Variants in SF3A3 observed in about 807,000 individuals in gnomAD.
The protein encoded by SF3A3 is SAP 61.
A neutral mutation model predicts 85.8 loss-of-function variants in SF3A3; 9 were observed. That is an observed-to-expected ratio of 0.10 (90% CI 0.06 to 0.18). The LOEUF is 0.18. Among genes scored for constraint, SF3A3 ranks in the 10% least tolerant of loss-of-function variants. The pLI is 1.00. For missense variants in SF3A3, 306 were observed against 593.3 expected, an observed-to-expected ratio of 0.52 and a Z score of 5.03; for synonymous variants, 195 against 204.4, an observed-to-expected ratio of 0.95 and a Z score of 0.39.
At chr1:37,979,585 G>GCCACCACACC in intron 8 of SF3A3, 52 bp from the exon 9 acceptor site, 5 of 1,404,854 alleles carry the variant, frequency 3.6e-6, no homozygotes, top group Non-Finnish European at 5.0e-6. Flanking sequence ...GCCAGGTGTG[G>GCCACCACACC]TGGCTCACAC....
intron 4 of SF3A3, among the ~76,000 whole-genome samples, chr1:37,985,944 C>A (rs910279798): frequency 7.3e-6 from 1 of 136,220 alleles, no homozygotes; most frequent in Non-Finnish European, 1.5e-5. Flanking sequence ...CTTTTTCCTA[C>A]CAGACTTTTT....
At chr1:37,982,044 T>C (rs548436569) in intron 6 of SF3A3, among the ~76,000 whole-genome samples, 49 of 151,850 alleles carry the variant, frequency 3.2e-4, no homozygotes, top group African/African-American at 1.1e-3. Context: ...AAAATAAAGA[T>C]CAAGTTAATG....
In SF3A3 at chr1:37,987,835, C is replaced by T. The variant is rs1263722162; in HGVS notation, c.146G>A (p.Arg49Lys). ...CAGGTTCCCACTGACCTCCATATACCTCTGAAAGGCAAATACAAAACCATC... is the reference window on the plus strand; with the variant it reads ...CAGGTTCCCACTGACCTCCATATACTTCTGAAAGGCAAATACAAAACCATC... ...SDHRTRAMQDRYMEVSGNLRD... is the reference protein window; with the variant it reads ...SDHRTRAMQDKYMEVSGNLRD... The change falls in exon 3 of 17, where the codon AGG (arginine) becomes AAG (lysine). Residue 49 changes from arginine (R) to lysine (K), a missense_variant and splice_region_variant. Arg to Lys is a conservative substitution (Grantham distance 26, BLOSUM62 2). This residue lies in a region of SF3A3 where 152 missense variants were observed against 192.0 expected (regional missense o/e 0.79). Coordinates refer to ENST00000373019, the MANE Select transcript of SF3A3 (RefSeq NM_006802.4). 1.2e-6 allele frequency: 2 copies of T among 1,612,054 alleles called. No individual in the cohort carries two copies. Among genetic ancestry groups the T allele is most frequent in the African/African-American group, 1.3e-5 (1 of 75,000 alleles).
chr1:37,959,857 C>CAGGG (rs1646244854), intron 16 of SF3A3, among the ~76,000 whole-genome samples: 1 of 144,490 alleles, frequency 6.9e-6, no homozygotes, highest in South Asian at 2.1e-4. Context: ...ACTCGAGAGA[C>CAGGG]AGAGGCAGGA....
At chr1:37,987,919 A>G in intron 2 of SF3A3, 83 bp from the exon 3 acceptor site, 2 of 1,109,694 alleles carry the variant, frequency 1.8e-6, no homozygotes, top group Non-Finnish European at 2.8e-6. Context: ...TCTCCAGTCA[A>G]AGCCCAGGGC....
intron 16 of SF3A3, among the ~76,000 whole-genome samples, chr1:37,958,780 A>G (rs1224609356): frequency 6.6e-6 from 1 of 152,190 alleles, no homozygotes; most frequent in African/African-American, 2.4e-5. Flanking sequence ...AAGAAAAAAA[A>G]TACTGAAAAC....
chr1:37,965,001 A>T (rs1269792504), intron 15 of SF3A3, among the ~76,000 whole-genome samples: 1 of 152,160 alleles, frequency 6.6e-6, no homozygotes, highest in African/African-American at 2.4e-5. Context: ...TCTACTAAAA[A>T]TACAAAAATT....
chr1:37,957,387 C>CGG lies in SF3A3; in HGVS notation c.*798_*799insCC, dbSNP rs1461904699. 15 of 121,384 alleles carry CGG rather than the reference C, an allele frequency of 1.2e-4. No homozygotes were observed. Among genetic ancestry groups the CGG allele is most frequent in the African/African-American group, 3.8e-4 (12 of 31,790 alleles). 7.5% of individuals were successfully genotyped at this position (121,384 alleles called of 1,614,324 possible). A position where few individuals can be genotyped will look rare whatever the true frequency, so the allele number is the denominator to read the frequency against. ...AACACAGCCCAACTCCCCCCCCCCC[C>CGG]CCTTTTTTTTTTTTTGAGATGGGGC... On this transcript the variant is annotated 3_prime_UTR_variant, in exon 17 of 17. Transcript: ENST00000373019.
chr1:37,970,218 C>A (rs1035743252), intron 12 of SF3A3, among the ~76,000 whole-genome samples: 2 of 151,034 alleles, frequency 1.3e-5, no homozygotes, highest in African/African-American at 4.9e-5. Flanking sequence ...GTTAGGAGGA[C>A]TGCTTGAGCC....
intron 8 of SF3A3, 25 bp from the exon 9 acceptor site, chr1:37,979,558 T>C (rs780223325): frequency 6.9e-6 from 11 of 1,593,788 alleles, no homozygotes; most frequent in Non-Finnish European, 9.5e-6. Flanking sequence ...ATGGTATTTA[T>C]TAAGATCCAG....
At chr1:37,981,141 G>T (rs1246366429) in intron 7 of SF3A3, among the ~76,000 whole-genome samples, 1 of 151,900 alleles carries the variant, frequency 6.6e-6, no homozygotes, top group Non-Finnish European at 1.5e-5. Flanking sequence ...GAGCCACCGC[G>T]CCCGGCCAAT....
At chr1:37,981,983 G>C (rs1249270642) in intron 6 of SF3A3, among the ~76,000 whole-genome samples, 172 bp from the exon 7 acceptor site, 1 of 151,472 alleles carries the variant, frequency 6.6e-6, no homozygotes, top group Non-Finnish European at 1.5e-5. Flanking sequence ...ACTACAACTG[G>C]AGTGTTAATT....
chr1:37,965,491 C>T (rs1035374323), intron 15 of SF3A3, among the ~76,000 whole-genome samples: 31 of 152,146 alleles, frequency 2.0e-4, no homozygotes, highest in African/African-American at 7.0e-4. Context: ...GCGGGGATCA[C>T]GCCTGCAATC....
intron 12 of SF3A3, among the ~76,000 whole-genome samples, chr1:37,976,303 T>C (rs900732205): frequency 6.6e-6 from 1 of 152,110 alleles, no homozygotes; most frequent in African/African-American, 2.4e-5. Context: ...TTCCTCCTAC[T>C]CCTCTCCCTG....
chr1:37,969,806 C>G, intron 12 of SF3A3, 71 bp from the exon 13 acceptor site: 1 of 1,548,994 alleles, frequency 6.5e-7, no homozygotes, highest in Non-Finnish European at 8.8e-7. Context: ...TCCTGTTTTC[C>G]TGTAACTTTT....
chr1:37,988,798 G>A (rs1050892234), intron 2 of SF3A3, among the ~76,000 whole-genome samples: 2 of 151,824 alleles, frequency 1.3e-5, no homozygotes, highest in Non-Finnish European at 2.9e-5. Flanking sequence ...ATGCAGTTTA[G>A]TAGTCCAAAA....
intron 15 of SF3A3, among the ~76,000 whole-genome samples, chr1:37,966,219 A>T (rs28490509): frequency 0.46 from 67,407 of 145,776 alleles, 15,297 homozygotes; most frequent in Middle Eastern, 0.68. Flanking sequence ...ATAAATAAAT[A>T]AATTAATTAA....
At chr1:37,958,327 C>G in intron 16 of SF3A3, 64 bp from the exon 17 acceptor site, 2 of 1,127,158 alleles carry the variant, frequency 1.8e-6, no homozygotes, top group South Asian at 1.2e-5. Flanking sequence ...GAACCAATCT[C>G]TAAGTACCTG....
chr1:37,974,577 C>T (rs746526612), intron 12 of SF3A3, among the ~76,000 whole-genome samples: 1 of 152,196 alleles, frequency 6.6e-6, no homozygotes, highest in African/African-American at 2.4e-5. Context: ...GCTGGGATTA[C>T]GGGCATGAGC....
Sources: gnomAD v4.1 joint callset for allele counts (sites outside exome capture counted in the v4.1 genomes callset) on GRCh38, gnomAD v4.1.1 for gene constraint, gnomAD v4.1.1 regional missense constraint, MANE v1.5 for transcripts, NCBI Gene and HGNC (gene_info 2026-07-23, HGNC 2026-07-21) for gene names.